SOX6: variants seen among roughly 807,000 people sequenced by gnomAD.
SOX6 encodes transcription factor SOX-6.
A neutral mutation model predicts 97.8 loss-of-function variants in SOX6; 11 were observed. The ratio of observed to expected loss-of-function variants is 0.11; its 90% CI spans 0.07 to 0.19. The LOEUF (loss-of-function observed/expected upper bound fraction) is 0.19. SOX6 is among the 10% of genes least tolerant of loss of function. The pLI is 1.00. For synonymous variants in SOX6, 360 were observed against 371.4 expected (o/e 0.97, Z 0.35); for missense variants, 810 against 1,039.5 (o/e 0.78, Z 3.04).
chr11:16,602,749 C>T (rs1227502018), intron 4 of SOX6, among the ~76,000 whole-genome samples: 2 of 151,922 alleles, frequency 1.3e-5, no homozygotes, highest in East Asian at 1.9e-4. Context: ...GGGCCGGGCG[C>T]GGCTGTTCAC....
intron 2 of SOX6, among the ~76,000 whole-genome samples, chr11:16,734,009 A>AGAGCG (rs1299483843): frequency 6.7e-6 from 1 of 150,316 alleles, no homozygotes. Flanking sequence ...CCTGGGTGAC[A>AGAGCG]GAGCGAGACT....
intron 6 of SOX6, among the ~76,000 whole-genome samples, chr11:16,132,375 AAAG>A (rs1849796188): frequency 2.1e-5 from 2 of 95,236 alleles, no homozygotes; most frequent in Non-Finnish European, 3.9e-5. Context: ...AGAAAGAAAG[AAAG>A]AAAGAAAGAA....
At chr11:15,984,723 T>C (rs1453614072) in intron 15 of SOX6, among the ~76,000 whole-genome samples, 1 of 152,180 alleles carries the variant, frequency 6.6e-6, no homozygotes. Context: ...TCTTTTATAA[T>C]AAAGTGGCTT....
intron 12 of SOX6, among the ~76,000 whole-genome samples, chr11:16,043,438 A>T (rs1240307992): frequency 6.6e-6 from 1 of 152,150 alleles, no homozygotes; most frequent in Non-Finnish European, 1.5e-5. Context: ...ACCCCGTGAC[A>T]CATCGACACA....
chr11:16,261,519 A>G (rs1370595565), intron 3 of SOX6, among the ~76,000 whole-genome samples: 4 of 152,034 alleles, frequency 2.6e-5, no homozygotes, highest in Admixed American at 2.0e-4. Flanking sequence ...AAAAACGGGG[A>G]AAAATACAAT....
chr11:16,497,496 G>A (rs576529589), intron 4 of SOX6, among the ~76,000 whole-genome samples: 81 of 152,068 alleles, frequency 5.3e-4, no homozygotes, highest in Non-Finnish European at 9.9e-4. Flanking sequence ...AGAGAAGAAG[G>A]CTTCAGACAA....
chr11:16,510,455 C>A (rs1417481580), intron 4 of SOX6, among the ~76,000 whole-genome samples: 2 of 151,934 alleles, frequency 1.3e-5, no homozygotes, highest in East Asian at 1.9e-4. Flanking sequence ...CTTCAGATTA[C>A]AAAGCCTCTT....
intron 1 of SOX6, among the ~76,000 whole-genome samples, chr11:16,354,304 T>C (rs1428765845): frequency 1.3e-5 from 2 of 151,918 alleles, no homozygotes; most frequent in Non-Finnish European, 2.9e-5. Context: ...GACAGAAAAA[T>C]GGTTTGACTC....
At chr11:16,402,610 G>T in intron 1 of SOX6, 1 of 1,525,540 alleles carries the variant, frequency 6.6e-7, no homozygotes, top group Non-Finnish European at 9.1e-7. Context: ...AATGAAAGCA[G>T]ACTGAAGTTA....
rs181755361 is a variant in SOX6 at position 16,592,146 on chromosome 11, G to T, written n.609+19935C>A. On this transcript the variant is annotated intron_variant and non_coding_transcript_variant, in intron 4 of 5. Coordinates refer to the SOX6 transcript ENST00000524520. ...GAAATACATATGTACATGTATTAGG[G>T]TTCATGAGCGTTTTGCTAAGGGCGT... Among the ~76,000 whole-genome samples, 29 of 151,804 alleles carry T rather than the reference G, an allele frequency of 1.9e-4. No individual in the cohort carries two copies. The East Asian group carries it at 5.2e-3, about 27-fold the overall frequency.
chr11:16,723,799 G>A lies in SOX6; in HGVS notation n.354-8894C>T, dbSNP rs139134650. Among the ~76,000 whole-genome samples, 381 of 152,130 alleles carry A rather than the reference G, an allele frequency of 2.5e-3. 6 individuals carry two copies. The highest frequency in any genetic ancestry group is 8.7e-3 in the African/African-American group (360 of 41,530). ...TCCAACTCAAAAAATAAAAAAGAAA[G>A]AAAAGTCCAACCTCTCGATTTTTCC... is the stretch of plus-strand genomic sequence containing the variant. On this transcript the variant is annotated intron_variant and non_coding_transcript_variant, in intron 2 of 5. Coordinates refer to the SOX6 transcript ENST00000524520.
intron 6 of SOX6, among the ~76,000 whole-genome samples, chr11:16,130,623 A>G (rs1849716515): frequency 1.3e-5 from 2 of 151,994 alleles, no homozygotes; most frequent in South Asian, 4.1e-4. Context: ...CCAGCAGGAC[A>G]TTTTGAATAT....
intron 15 of SOX6, among the ~76,000 whole-genome samples, chr11:15,978,738 C>T (rs986167510): frequency 2.1e-5 from 3 of 142,746 alleles, no homozygotes; most frequent in African/African-American, 5.1e-5. Flanking sequence ...CATTATAATG[C>T]TTATTATATA....
intron 3 of SOX6, among the ~76,000 whole-genome samples, chr11:16,682,083 A>G (rs573853281): frequency 6.4e-4 from 98 of 152,400 alleles, no homozygotes; most frequent in Middle Eastern, 3.4e-3. Context: ...ATCAATAGAA[A>G]AAGAGGGAAT....
chr11:16,702,113 A>T (rs372414345), intron 3 of SOX6, among the ~76,000 whole-genome samples: 16 of 152,322 alleles, frequency 1.1e-4, no homozygotes, highest in African/African-American at 3.1e-4. Context: ...TTTTGGAAAT[A>T]GAGTGAACGA....
intron 3 of SOX6, among the ~76,000 whole-genome samples, chr11:16,647,822 G>T (rs1761887394): frequency 6.6e-6 from 1 of 152,140 alleles, no homozygotes; most frequent in African/African-American, 2.4e-5. Context: ...TATAAAAATA[G>T]AAGTAGCAGC....
At chr11:16,423,071 T>C (rs536393344) in intron 1 of SOX6, among the ~76,000 whole-genome samples, 27 of 152,300 alleles carry the variant, frequency 1.8e-4, no homozygotes, top group Non-Finnish European at 3.5e-4. Flanking sequence ...TCTTCATCAT[T>C]CTTTTGAGGA....
intron 4 of SOX6, among the ~76,000 whole-genome samples, chr11:16,221,937 T>A (rs1852550023): frequency 6.6e-6 from 1 of 152,144 alleles, no homozygotes; most frequent in Non-Finnish European, 1.5e-5. Context: ...GGGTTTCAGA[T>A]CCTCTACTGG....
intron 1 of SOX6, among the ~76,000 whole-genome samples, chr11:16,367,177 C>T (rs1857380266): frequency 6.6e-6 from 1 of 152,104 alleles, no homozygotes; most frequent in African/African-American, 2.4e-5. Flanking sequence ...TATGTATGTT[C>T]TAATTTTGGT....
Sources: allele counts gnomAD v4.1 joint callset (sites outside exome capture counted in the v4.1 genomes callset), GRCh38; gene constraint gnomAD v4.1.1; transcripts MANE v1.5; gene names NCBI Gene and HGNC (gene_info 2026-07-23, HGNC 2026-07-21).